Variants in ANKRD22 observed in about 807,000 individuals in gnomAD.
ANKRD22 encodes the protein ankyrin repeat domain 22.
Under a neutral mutation model 25.7 loss-of-function variants are expected in ANKRD22, and 24 were observed. The observed-to-expected ratio is 0.93, with a 90% CI of 0.68 to 1.31. The LOEUF (loss-of-function observed/expected upper bound fraction) is 1.31, where lower values mean the gene tolerates loss of function less well. ANKRD22 is among the 50% of genes most tolerant of loss of function. ANKRD22 has a pLI of 0.00. For missense variants in ANKRD22, 214 were observed against 227.1 expected (o/e 0.94, Z 0.37); for synonymous variants, 84 against 84.3 (o/e 1.00, Z 0.02).
chr10:88,832,411 C>T (rs1409067615), intron 1 of ANKRD22, among the ~76,000 whole-genome samples: 3 of 149,234 alleles, frequency 2.0e-5, no homozygotes, highest in African/African-American at 7.7e-5. Flanking sequence ...TTACTAAAGA[C>T]AAAATACCTT....
At chr10:88,840,563 T>C (rs756701719) in intron 1 of ANKRD22, among the ~76,000 whole-genome samples, 1 of 151,696 alleles carries the variant, frequency 6.6e-6, no homozygotes, top group African/African-American at 2.4e-5. Context: ...CTCAGAGGAA[T>C]TGGTTCACTG....
At chr10:88,849,088 A>T (rs1298550109) in intron 1 of ANKRD22, among the ~76,000 whole-genome samples, 1 of 152,000 alleles carries the variant, frequency 6.6e-6, no homozygotes, top group East Asian at 1.9e-4. Context: ...TGTTTAAAGG[A>T]ATACATCATT....
intron 1 of ANKRD22, 50 bp downstream of exon 1, chr10:88,851,537 T>C (rs762819129): frequency 1.9e-6 from 3 of 1,601,440 alleles, no homozygotes; most frequent in African/African-American, 1.3e-5. Context: ...CTGAAAAGCA[T>C]GAGTAACTTT....
At chr10:88,823,221 C>T in intron 5 of ANKRD22, 59 bp downstream of exon 5, 1 of 1,437,696 alleles carries the variant, frequency 7.0e-7, no homozygotes, top group South Asian at 1.1e-5. Flanking sequence ...CAACATAAGG[C>T]CTAGATTAGA....
intron 3 of ANKRD22, among the ~76,000 whole-genome samples, chr10:88,827,074 G>A (rs1843862388): frequency 6.6e-6 from 1 of 152,160 alleles, no homozygotes; most frequent in South Asian, 2.1e-4. Flanking sequence ...CCAGTCTCCT[G>A]AAGAGGCAAA....
At chr10:88,824,515 A>G (rs1364224444) in intron 4 of ANKRD22, among the ~76,000 whole-genome samples, 6 of 152,214 alleles carry the variant, frequency 3.9e-5, no homozygotes, top group African/African-American at 1.2e-4. Flanking sequence ...CAAAAATACA[A>G]AACACTGTCT....
rs552833697 is a variant in ANKRD22 at position 88,820,682 on chromosome 10, A to G, written c.*2259T>C. 1 of 632,816 alleles carries G rather than the reference A, an allele frequency of 1.6e-6. No homozygotes were observed. The highest frequency in any genetic ancestry group is 2.1e-5 in the South Asian group (1 of 47,102). The allele number at this position is 632,816 out of a possible 1,614,324, so 39.2% of individuals were successfully genotyped here. A position where few individuals can be genotyped will look rare whatever the true frequency, so the allele number is the denominator to read the frequency against. On this transcript the variant is annotated 3_prime_UTR_variant, in exon 6 of 6. Transcript: ENST00000371930. ...AAATTAAAGTACTTATTAGGTAAAT[A>G]GAGGTTTTGTATGCTATTATATATT...
At chr10:88,837,517 C>A (rs1490941446) in intron 1 of ANKRD22, among the ~76,000 whole-genome samples, 2 of 152,120 alleles carry the variant, frequency 1.3e-5, no homozygotes, top group African/African-American at 4.8e-5. Flanking sequence ...AAGGCCAAAG[C>A]AAGGGAGAAA....
intron 1 of ANKRD22, among the ~76,000 whole-genome samples, chr10:88,850,058 C>T (rs1844089537): frequency 6.6e-6 from 1 of 151,062 alleles, no homozygotes; most frequent in South Asian, 2.1e-4. Context: ...ACCAGGGATC[C>T]AGCAGGCTTT....
At chr10:88,849,130 G>T (rs930841873) in intron 1 of ANKRD22, among the ~76,000 whole-genome samples, 7 of 151,924 alleles carry the variant, frequency 4.6e-5, no homozygotes, top group African/African-American at 1.5e-4. Flanking sequence ...CGCTTTTTGG[G>T]GCCTGTGTCT....
Position 88,820,578 on chromosome 10 carries a change from G to A in ANKRD22, c.*2363C>T. Reference sequence around the variant, plus strand: ...ACCCATGAAGGCAGAATTACGGAGAGCAGAGACCTAGTATACATTTTTCAG... The same window carrying A: ...ACCCATGAAGGCAGAATTACGGAGAACAGAGACCTAGTATACATTTTTCAG... On this transcript the variant is annotated 3_prime_UTR_variant, in exon 6 of 6. Coordinates refer to ENST00000371930, the MANE Select transcript of ANKRD22 (RefSeq NM_144590.3). 2 of 1,356,686 alleles carry A rather than the reference G, an allele frequency of 1.5e-6. No homozygotes were observed. The highest frequency in any genetic ancestry group is 2.0e-6 in the Non-Finnish European group (2 of 1,013,266). 84.0% of individuals were successfully genotyped at this position (1,356,686 alleles called of 1,614,324 possible).
chr10:88,822,966 T>G lies in ANKRD22; in HGVS notation c.551A>C (p.Glu184Ala). Residue 184 changes from glutamate (E) to alanine (A), a missense_variant, in exon 6 of 6, where the codon GAA (glutamate) becomes GCA (alanine). Physicochemically the swap from Glu to Ala is moderately radical, Grantham distance 107. Coordinates refer to ENST00000371930, the MANE Select transcript of ANKRD22 (RefSeq NM_144590.3). ...TTACAATGCTTTCCTTAGCATTAAT[T>G]CAATCTGGGAAAATTTTAATCTCCG... ...IARRLKFSQI[E>A]LMLRKAL The G allele has an allele frequency of 6.2e-7, 1 of 1,613,398 alleles. No homozygotes were observed. The highest frequency in any genetic ancestry group is 8.5e-7 in the Non-Finnish European group (1 of 1,179,354).
At chr10:88,826,734 C>A (rs952408903) in intron 3 of ANKRD22, among the ~76,000 whole-genome samples, 1 of 152,146 alleles carries the variant, frequency 6.6e-6, no homozygotes, top group African/African-American at 2.4e-5. Context: ...CCCACCTGAC[C>A]AGGTGAAATC....
chr10:88,847,133 A>G (rs1844056130), intron 1 of ANKRD22, among the ~76,000 whole-genome samples: 4 of 152,008 alleles, frequency 2.6e-5, no homozygotes, highest in Non-Finnish European at 1.5e-5. Context: ...CACAATTGGG[A>G]TCTTCATTTG....
intron 1 of ANKRD22, among the ~76,000 whole-genome samples, chr10:88,849,094 T>C (rs1010232149): frequency 6.6e-6 from 1 of 152,016 alleles, no homozygotes; most frequent in African/African-American, 2.4e-5. Flanking sequence ...AAGGAATACA[T>C]CATTTAAGAT....
intron 1 of ANKRD22, among the ~76,000 whole-genome samples, chr10:88,835,750 A>G (rs1401225049): frequency 6.6e-6 from 1 of 152,176 alleles, no homozygotes; most frequent in Non-Finnish European, 1.5e-5. Context: ...ATTTAATGTG[A>G]GAGTCGCACT....
At chr10:88,831,735 C>G in intron 2 of ANKRD22, 100 bp downstream of exon 2, 1 of 1,224,340 alleles carries the variant, frequency 8.2e-7, no homozygotes, top group Non-Finnish European at 1.1e-6. Flanking sequence ...GTATTAGGAG[C>G]TGCAAGCAAT....
chr10:88,828,530 GCCC>G, intron 3 of ANKRD22, 26 bp downstream of exon 3: 1 of 1,478,576 alleles, frequency 6.8e-7, no homozygotes. Flanking sequence ...CTCCACATTT[GCCC>G]TTTGCTCTAC....
chr10:88,833,172 T>G (rs1214551), intron 1 of ANKRD22, among the ~76,000 whole-genome samples: 117,492 of 152,102 alleles, frequency 0.77, 45,911 homozygotes, highest in East Asian at 0.91. Flanking sequence ...AACCCCATTT[T>G]ATTTACTGCT....
Sources: gnomAD v4.1 joint callset for allele counts (sites outside exome capture counted in the v4.1 genomes callset) on GRCh38, gnomAD v4.1.1 for gene constraint, MANE v1.5 for transcripts, NCBI Gene and HGNC (gene_info 2026-07-23, HGNC 2026-07-21) for gene names.